PARD3B: variants seen among roughly 807,000 people sequenced by gnomAD.
The protein encoded by PARD3B is par-3 family cell polarity regulator beta.
In PARD3B, 103 loss-of-function variants were observed where a neutral mutation model predicts 130.2. That is an observed-to-expected ratio of 0.79 (90% CI 0.67 to 0.93). PARD3B has a LOEUF of 0.93. Among genes scored for constraint, PARD3B ranks in the 40% least tolerant of loss-of-function variants. The pLI, the probability that PARD3B is intolerant of heterozygous loss-of-function variation, is 0.00. For missense variants in PARD3B, 1,609 were observed against 1,499.2 expected, an observed-to-expected ratio of 1.07 and a Z score of -1.21; for synonymous variants, 583 against 553.2, an observed-to-expected ratio of 1.05 and a Z score of -0.76.
chr2:204,837,689 T>A (rs2044098045), intron 2 of PARD3B, among the ~76,000 whole-genome samples: 1 of 152,174 alleles, frequency 6.6e-6, no homozygotes, highest in Non-Finnish European at 1.5e-5. Flanking sequence ...TGATGTCTGA[T>A]CATGAGGAGC....
intron 4 of PARD3B, among the ~76,000 whole-genome samples, chr2:205,050,450 C>CATATGGAATATGTTTAGATCTACA (rs1699113899): frequency 6.6e-6 from 1 of 151,628 alleles, no homozygotes; most frequent in Non-Finnish European, 1.5e-5. Flanking sequence ...CATAGCCAAA[C>CATATGGAATATGTTTAGATCTACA]TTATGGAATG....
At chr2:204,721,739 T>C (rs545834122) in intron 2 of PARD3B, among the ~76,000 whole-genome samples, 2 of 152,310 alleles carry the variant, frequency 1.3e-5, no homozygotes, top group Admixed American at 1.3e-4. Context: ...CCATTTCTAG[T>C]AAATTATGTG....
chr2:204,737,932 T>C (rs1165592358), intron 2 of PARD3B, among the ~76,000 whole-genome samples: 1 of 152,220 alleles, frequency 6.6e-6, no homozygotes, highest in African/African-American at 2.4e-5. Flanking sequence ...TCTATGTGCC[T>C]ACTTTTATAC....
chr2:205,077,072 C>A (rs2125501171), intron 4 of PARD3B, among the ~76,000 whole-genome samples: 2 of 152,250 alleles, frequency 1.3e-5, no homozygotes, highest in African/African-American at 4.8e-5. Flanking sequence ...TCCGGTCCAC[C>A]AATCACACAT....
At chr2:204,896,659 T>C (rs1274049674) in intron 2 of PARD3B, among the ~76,000 whole-genome samples, 8 of 152,194 alleles carry the variant, frequency 5.3e-5, no homozygotes, top group East Asian at 3.8e-4. Context: ...TGCTTTTTAT[T>C]ATCAGTACAA....
At chr2:204,557,727 C>T (rs1163301993) in intron 1 of PARD3B, among the ~76,000 whole-genome samples, 2 of 152,194 alleles carry the variant, frequency 1.3e-5, no homozygotes, top group African/African-American at 4.8e-5. Context: ...AATGCCTTAT[C>T]ATCTCCACAT....
intron 22 of PARD3B, among the ~76,000 whole-genome samples, chr2:205,554,253 G>GT (rs11482884): frequency 0.46 from 70,296 of 151,792 alleles, 16,768 homozygotes; most frequent in East Asian, 0.61. Flanking sequence ...CCCAAGCAGA[G>GT]TTTTTTTATC....
At chr2:204,845,356 T>C (rs1359267319) in intron 2 of PARD3B, among the ~76,000 whole-genome samples, 2 of 152,168 alleles carry the variant, frequency 1.3e-5, no homozygotes, top group Non-Finnish European at 2.9e-5. Context: ...ACCTTAACTT[T>C]TTATAGGTAT....
chr2:205,165,321 G>A (rs2034745534), intron 11 of PARD3B, among the ~76,000 whole-genome samples: 1 of 152,074 alleles, frequency 6.6e-6, no homozygotes. Context: ...TTTGAAGTCA[G>A]TATTTCTCAA....
chr2:205,252,544 C>T (rs569842166), intron 16 of PARD3B, among the ~76,000 whole-genome samples: 16 of 151,886 alleles, frequency 1.1e-4, no homozygotes, highest in Non-Finnish European at 1.5e-4. Context: ...TAGAAACTGG[C>T]GATACAGAAA....
intron 2 of PARD3B, among the ~76,000 whole-genome samples, chr2:204,763,471 A>T (rs1202688380): frequency 2.6e-5 from 4 of 152,228 alleles, no homozygotes; most frequent in African/African-American, 9.6e-5. Flanking sequence ...AAATTCTTCA[A>T]AATATAGGAG....
intron 2 of PARD3B, among the ~76,000 whole-genome samples, chr2:204,883,306 A>AGG (rs922964677): frequency 6.7e-6 from 1 of 149,092 alleles, no homozygotes; most frequent in African/African-American, 2.5e-5. Context: ...TGAGACCTAA[A>AGG]TTGTTGCTGA....
chr2:205,514,128 A>G (rs1020239575), intron 21 of PARD3B, among the ~76,000 whole-genome samples: 11 of 152,116 alleles, frequency 7.2e-5, no homozygotes, highest in African/African-American at 2.7e-4. Flanking sequence ...CACTGTCCCA[A>G]TTACCAACCA....
At chr2:204,961,555 C>T (rs984762222) in intron 2 of PARD3B, among the ~76,000 whole-genome samples, 6 of 151,992 alleles carry the variant, frequency 3.9e-5, no homozygotes, top group African/African-American at 1.5e-4. Flanking sequence ...TGGGTTGCAC[C>T]ACTTAAAATT....
At chr2:204,946,807 A>C (rs1010945433) in intron 2 of PARD3B, among the ~76,000 whole-genome samples, 1 of 152,228 alleles carries the variant, frequency 6.6e-6, no homozygotes, top group Non-Finnish European at 1.5e-5. Context: ...CCTGAGTACC[A>C]GGAGATCTGA....
intron 21 of PARD3B, among the ~76,000 whole-genome samples, chr2:205,510,015 T>A (rs1187513784): frequency 6.6e-6 from 1 of 152,204 alleles, no homozygotes; most frequent in African/African-American, 2.4e-5. Flanking sequence ...CACACAGATG[T>A]CCAGAGTTTT....
Position 205,265,478 on chromosome 2 carries a change from G to A in PARD3B, c.2185+19656G>A, listed in dbSNP as rs17251053. Reference sequence around the variant, plus strand: ...TTGCTTTTCTGCCTACAAATGGGACGATTCCTGATATGTGTAGATTAGGGT... The same window carrying A: ...TTGCTTTTCTGCCTACAAATGGGACAATTCCTGATATGTGTAGATTAGGGT... On this transcript the variant is annotated intron_variant, in intron 16 of 22. Coordinates refer to ENST00000406610, the MANE Select transcript of PARD3B (RefSeq NM_001302769.2). This position sits in a 1 kb window ranked among gnomAD's most constrained non-coding sequence, Gnocchi z 4.3. 1.1e-4 allele frequency among the ~76,000 whole-genome samples: 16 copies of A among 151,990 alleles called. No individual in the cohort carries two copies. Among genetic ancestry groups the A allele is most frequent in the Admixed American group, 9.8e-4 (15 of 15,250 alleles).
At chr2:204,635,692 T>C (rs779810222) in intron 1 of PARD3B, among the ~76,000 whole-genome samples, 1 of 152,190 alleles carries the variant, frequency 6.6e-6, no homozygotes, top group Non-Finnish European at 1.5e-5. Flanking sequence ...TCCTGGGATA[T>C]GTGGTTCGGG....
At chr2:204,741,944 T>C (rs1302546126) in intron 2 of PARD3B, among the ~76,000 whole-genome samples, 2 of 152,260 alleles carry the variant, frequency 1.3e-5, no homozygotes, top group East Asian at 3.9e-4. Flanking sequence ...AGGTTCTCAG[T>C]GTGGTCCCTG....
Sources: allele counts gnomAD v4.1 joint callset (sites outside exome capture counted in the v4.1 genomes callset), GRCh38; gene constraint gnomAD v4.1.1; non-coding constraint Gnocchi (gnomAD v3.1); transcripts MANE v1.5; gene names NCBI Gene and HGNC (gene_info 2026-07-23, HGNC 2026-07-21).